Variants in R3HDM2 observed in about 807,000 individuals in gnomAD.
The protein encoded by R3HDM2 is R3H domain containing 2, also known as R3H domain-containing protein 2.
Under a neutral mutation model 124.5 loss-of-function variants are expected in R3HDM2, and 38 were observed. The observed-to-expected ratio is 0.31, with a 90% CI of 0.24 to 0.40. R3HDM2 has a LOEUF of 0.40. Ranked by LOEUF, R3HDM2 falls within the 10% of genes least tolerant of loss-of-function variation. R3HDM2 has a pLI of 1.00. For missense variants in R3HDM2, 869 were observed against 1,236.9 expected (o/e 0.70, Z 4.46); for synonymous variants, 391 against 448.0 (o/e 0.87, Z 1.61).
At chr12:57,287,066 G>A (rs923071248) in intron 12 of R3HDM2, among the ~76,000 whole-genome samples, 2 of 152,172 alleles carry the variant, frequency 1.3e-5, no homozygotes, top group Non-Finnish European at 2.9e-5. Flanking sequence ...GGTGACATCT[G>A]TAGAGAGCTG....
At chr12:57,331,927 A>AAT in intron 2 of R3HDM2, among the ~76,000 whole-genome samples, 1 of 147,426 alleles carries the variant, frequency 6.8e-6, no homozygotes. Context: ...AAAAAAAAAA[A>AAT]TTTTTTTTTT....
At chr12:57,419,144 CTTTTTTT>C (rs923524630) in intron 1 of R3HDM2, among the ~76,000 whole-genome samples, 5 of 139,284 alleles carry the variant, frequency 3.6e-5, no homozygotes, top group African/African-American at 1.3e-4. Context: ...TTCTCCTTTC[CTTTTTTT>C]TTTTTTTTTT....
Position 57,266,718 on chromosome 12 carries a change from C to A in R3HDM2, c.2131+13G>T. 1 of 1,555,872 alleles carries A rather than the reference C, an allele frequency of 6.4e-7. No individual in the cohort carries two copies. Among genetic ancestry groups the A allele is most frequent in the South Asian group, 1.1e-5 (1 of 89,490 alleles). On this transcript the variant is annotated intron_variant, in intron 19 of 23. Coordinates refer to ENST00000402412, the MANE Select transcript of R3HDM2 (RefSeq NM_001394031.1). Reference sequence around the variant, plus strand: ...TGTCAGTGCCCAAGACCCACAGTTCCTTATCCTCTTACCTGAGTACTGCTG... The same window carrying A: ...TGTCAGTGCCCAAGACCCACAGTTCATTATCCTCTTACCTGAGTACTGCTG...
At chr12:57,346,330 C>T (rs1474624391) in intron 2 of R3HDM2, among the ~76,000 whole-genome samples, 1 of 148,770 alleles carries the variant, frequency 6.7e-6, no homozygotes, top group African/African-American at 2.5e-5. Flanking sequence ...TGGTGGCGGG[C>T]GCCTGTAATC....
chr12:57,417,213 G>A (rs531979248), intron 1 of R3HDM2, among the ~76,000 whole-genome samples: 5 of 152,164 alleles, frequency 3.3e-5, no homozygotes, highest in African/African-American at 9.6e-5. Flanking sequence ...AGACCAGCCT[G>A]ACCAACATGG....
intron 2 of R3HDM2, among the ~76,000 whole-genome samples, chr12:57,364,612 G>A (rs111847613): frequency 1.1e-3 from 161 of 152,074 alleles, no homozygotes; most frequent in African/African-American, 3.8e-3. Context: ...CTTGGTACAC[G>A]TATGCCCATG....
chr12:57,268,291 G>T lies in R3HDM2; in HGVS notation c.2030+12C>A. On this transcript the variant is annotated intron_variant, in intron 18 of 23. Coordinates refer to ENST00000402412, the MANE Select transcript of R3HDM2 (RefSeq NM_001394031.1). ...GGGAGATGTCCTGTCCTGGCTCTCTGGGAGTCCTCACCTCGTACCGTTCTG... is the reference window on the plus strand; with the variant it reads ...GGGAGATGTCCTGTCCTGGCTCTCTTGGAGTCCTCACCTCGTACCGTTCTG... 1 of 1,611,782 alleles carries T rather than the reference G, an allele frequency of 6.2e-7. No individual in the cohort carries two copies. Among genetic ancestry groups the T allele is most frequent in the Non-Finnish European group, 8.5e-7 (1 of 1,178,626 alleles).
intron 14 of R3HDM2, among the ~76,000 whole-genome samples, chr12:57,277,279 C>T (rs1054298475): frequency 6.6e-6 from 1 of 151,960 alleles, no homozygotes; most frequent in Non-Finnish European, 1.5e-5. Flanking sequence ...TCCTCAGCCT[C>T]ACCCCTGGTT....
intron 2 of R3HDM2, among the ~76,000 whole-genome samples, chr12:57,364,197 G>A (rs781423486): frequency 7.1e-6 from 1 of 141,302 alleles, no homozygotes; most frequent in Admixed American, 7.5e-5. Flanking sequence ...ACCCAGGTTG[G>A]AGTGCAGTGG....
At chr12:57,260,911 A>T (rs1214058652) in intron 19 of R3HDM2, among the ~76,000 whole-genome samples, 4 of 152,210 alleles carry the variant, frequency 2.6e-5, no homozygotes, top group Admixed American at 2.6e-4. Flanking sequence ...AGAGAAGCTC[A>T]GGAGACAGCA....
At chr12:57,332,009 G>A (rs948254169) in intron 2 of R3HDM2, among the ~76,000 whole-genome samples, 2 of 151,768 alleles carry the variant, frequency 1.3e-5, no homozygotes, top group African/African-American at 4.8e-5. Context: ...AGGATCATTT[G>A]AGCCCAGGAG....
At chr12:57,337,571 G>A (rs961916648) in intron 2 of R3HDM2, among the ~76,000 whole-genome samples, 1 of 152,042 alleles carries the variant, frequency 6.6e-6, no homozygotes, top group Non-Finnish European at 1.5e-5. Context: ...GTCACTAGTA[G>A]GCCTATCTGC....
At chr12:57,264,444 C>T (rs181293365) in intron 19 of R3HDM2, among the ~76,000 whole-genome samples, 27 of 138,800 alleles carry the variant, frequency 1.9e-4, no homozygotes, top group South Asian at 1.6e-3. Flanking sequence ...TGGTGGCAGG[C>T]GCCTGTAGTC....
At chr12:57,286,115 G>A (rs1386714286) in intron 12 of R3HDM2, among the ~76,000 whole-genome samples, 2 of 152,150 alleles carry the variant, frequency 1.3e-5, no homozygotes, top group East Asian at 3.8e-4. Context: ...GCACTGGATC[G>A]GGTTGTGTGT....
chr12:57,256,175 G>A (rs1209926229), intron 22 of R3HDM2, 101 bp from the exon 23 acceptor site: 2 of 1,207,750 alleles, frequency 1.7e-6, no homozygotes, highest in Admixed American at 1.8e-5. Context: ...CCAACCCAGA[G>A]GACCCCACCC....
At chr12:57,355,033 G>A (rs756152106) in intron 2 of R3HDM2, among the ~76,000 whole-genome samples, 35 of 151,748 alleles carry the variant, frequency 2.3e-4, no homozygotes, top group Non-Finnish European at 4.6e-4. Flanking sequence ...AGTAGAGTCC[G>A]CCTCCACCTC....
chr12:57,313,882 GAA>G (rs869177467), intron 2 of R3HDM2, among the ~76,000 whole-genome samples: 16,587 of 58,976 alleles, frequency 0.28, 1,007 homozygotes, highest in South Asian at 0.43. Context: ...TCCTGTCTCT[GAA>G]AAAAAAAAAA....
At chr12:57,353,178 A>C (rs1288079759) in intron 2 of R3HDM2, among the ~76,000 whole-genome samples, 2 of 152,138 alleles carry the variant, frequency 1.3e-5, no homozygotes, top group African/African-American at 4.8e-5. Flanking sequence ...AAAAATTCAT[A>C]AACAGTTAAA....
At chr12:57,425,667 C>T (rs189987331) in intron 1 of R3HDM2, among the ~76,000 whole-genome samples, 3 of 151,976 alleles carry the variant, frequency 2.0e-5, no homozygotes, top group Admixed American at 6.6e-5. Flanking sequence ...GGCATGATGG[C>T]GGGTGGCTAT....
Sources: allele counts gnomAD v4.1 joint callset (sites outside exome capture counted in the v4.1 genomes callset), GRCh38; gene constraint gnomAD v4.1.1; transcripts MANE v1.5; gene names NCBI Gene and HGNC (gene_info 2026-07-23, HGNC 2026-07-21).